The following OPCML variants were observed in gnomAD, a reference collection of about 807,000 sequenced individuals.
OPCML encodes the protein opioid binding protein/cell adhesion molecule like, also known as opioid-binding protein/cell adhesion molecule.
A neutral mutation model predicts 37.8 loss-of-function variants in OPCML; 13 were observed. That is an observed-to-expected ratio of 0.34 (90% CI 0.22 to 0.55). The LOEUF is 0.55. Ranked by LOEUF, OPCML falls within the 20% of genes least tolerant of loss-of-function variation. OPCML has a pLI of 0.91. For synonymous variants in OPCML, 176 were observed against 168.8 expected, an observed-to-expected ratio of 1.04 and a Z score of -0.33; for missense variants, 341 against 435.6, an observed-to-expected ratio of 0.78 and a Z score of 1.93.
intron 3 of OPCML, among the ~76,000 whole-genome samples, chr11:132,629,529 C>A (rs915536632): frequency 6.6e-6 from 1 of 152,148 alleles, no homozygotes; most frequent in Non-Finnish European, 1.5e-5. Flanking sequence ...AGGGGTAACT[C>A]AAGAAACTTT....
At chr11:132,703,381 T>C (rs1389209968) in intron 2 of OPCML, among the ~76,000 whole-genome samples, 2 of 152,230 alleles carry the variant, frequency 1.3e-5, no homozygotes, top group Admixed American at 6.5e-5. Context: ...TGGGCCATGA[T>C]TGACCAAAAT....
intron 3 of OPCML, among the ~76,000 whole-genome samples, chr11:132,637,280 A>C (rs1940565565): frequency 6.6e-6 from 1 of 152,030 alleles, no homozygotes; most frequent in African/African-American, 2.4e-5. Flanking sequence ...CAATCCTGGC[A>C]GATCGGACCT....
At chr11:133,521,032 G>A (rs370636260) in intron 1 of OPCML, among the ~76,000 whole-genome samples, 20 of 152,212 alleles carry the variant, frequency 1.3e-4, no homozygotes, top group African/African-American at 3.9e-4. Context: ...ATCACAAGCC[G>A]TCCTAGCCAG....
chr11:132,876,054 A>C (rs943071984), intron 2 of OPCML, among the ~76,000 whole-genome samples: 2 of 152,232 alleles, frequency 1.3e-5, no homozygotes, highest in African/African-American at 4.8e-5. Context: ...TGTCAATTTA[A>C]AAAGAAATGC....
chr11:133,391,100 G>C (rs1431874574), intron 1 of OPCML, among the ~76,000 whole-genome samples: 1 of 152,228 alleles, frequency 6.6e-6, no homozygotes. Context: ...GAGAGAGAAA[G>C]GGAAAGAAAG....
chr11:133,439,401 T>C, intron 1 of OPCML: 1 of 985,260 alleles, frequency 1.0e-6, no homozygotes, highest in Non-Finnish European at 1.2e-6. Flanking sequence ...TTCCGTCTGT[T>C]TCAGGGAATA....
At chr11:132,478,937 GA>G (rs1180933144) in intron 4 of OPCML, among the ~76,000 whole-genome samples, 1 of 152,090 alleles carries the variant, frequency 6.6e-6, no homozygotes, top group Non-Finnish European at 1.5e-5. Flanking sequence ...CTCATCAGCT[GA>G]ACATGTATCA....
intron 3 of OPCML, among the ~76,000 whole-genome samples, chr11:132,555,748 A>G (rs1437367180): frequency 6.6e-6 from 1 of 152,076 alleles, no homozygotes; most frequent in Admixed American, 6.6e-5. Flanking sequence ...CTCACTGTTA[A>G]TCAGAATTCT....
At chr11:133,383,442 C>T (rs990684241) in intron 1 of OPCML, among the ~76,000 whole-genome samples, 3 of 152,140 alleles carry the variant, frequency 2.0e-5, no homozygotes, top group Non-Finnish European at 4.4e-5. Context: ...TCGGGTCATC[C>T]GATCTGTAAT....
chr11:132,960,454 G>A (rs927905060), intron 1 of OPCML, among the ~76,000 whole-genome samples: 1 of 152,162 alleles, frequency 6.6e-6, no homozygotes, highest in Admixed American at 6.5e-5. Context: ...GACTGCGGAT[G>A]GTGGAGGTCA....
At chr11:132,651,712 A>G (rs1941437209) in intron 3 of OPCML, among the ~76,000 whole-genome samples, 1 of 152,182 alleles carries the variant, frequency 6.6e-6, no homozygotes, top group African/African-American at 2.4e-5. Flanking sequence ...TTTACAAGCA[A>G]AACTCAACTT....
chr11:133,158,006 T>C (rs1006433648), intron 1 of OPCML, among the ~76,000 whole-genome samples: 2 of 151,942 alleles, frequency 1.3e-5, no homozygotes, highest in Non-Finnish European at 2.9e-5. Flanking sequence ...CCACAGAAAA[T>C]TGAAAAATAA....
At chr11:132,663,970 T>G (rs569925607) in intron 2 of OPCML, among the ~76,000 whole-genome samples, 2 of 152,240 alleles carry the variant, frequency 1.3e-5, no homozygotes, top group East Asian at 3.9e-4. Context: ...GTAGCTGGGA[T>G]TACAGGCGCC....
At chr11:133,025,624 G>T (rs1475140534) in intron 1 of OPCML, 1 of 290,752 alleles carries the variant, frequency 3.4e-6, no homozygotes, top group Non-Finnish European at 5.1e-6. Context: ...GGTCTCACTT[G>T]TTGGCCAGGC....
chr11:133,154,248 C>T (rs564864573), intron 1 of OPCML, among the ~76,000 whole-genome samples: 3 of 151,966 alleles, frequency 2.0e-5, no homozygotes, highest in South Asian at 4.2e-4. Flanking sequence ...GAGGAAGTTG[C>T]CATGAGCAGG....
intron 1 of OPCML, among the ~76,000 whole-genome samples, chr11:132,960,450 G>A (rs1354500611): frequency 6.6e-6 from 1 of 152,288 alleles, no homozygotes; most frequent in South Asian, 2.1e-4. Context: ...CGGGGACTGC[G>A]GATGGTGGAG....
Position 133,483,337 on chromosome 11 carries a change from GATAATAGAT to G in OPCML, c.61+48918_61+48926del, listed in dbSNP as rs376880322. 9.8e-5 allele frequency among the ~76,000 whole-genome samples: 12 copies of G among 122,084 alleles called. No homozygotes were observed. In the South Asian group the frequency reaches 1.9e-3, roughly 19 times the overall value. 80.1% of individuals were successfully genotyped at this position (122,084 alleles called of 152,430 possible). A position where few individuals can be genotyped will look rare whatever the true frequency, so the allele number is the denominator to read the frequency against. ...AGATAGATAGATAGATAGATAGATA[GATAATAGAT>G]ATAGATAGATAGATAGCTAATAGAT... On this transcript the variant is annotated intron_variant, in intron 1 of 7. Coordinates refer to ENST00000524381, the MANE Select transcript of OPCML (RefSeq NM_001012393.5).
chr11:132,531,582 C>T (rs1384332450), intron 3 of OPCML, among the ~76,000 whole-genome samples: 1 of 152,102 alleles, frequency 6.6e-6, no homozygotes, highest in Non-Finnish European at 1.5e-5. Context: ...AGGGAATCTA[C>T]ATTAGCAAAT....
chr11:133,388,093 G>A (rs1170238020), intron 1 of OPCML, among the ~76,000 whole-genome samples: 2 of 152,112 alleles, frequency 1.3e-5, no homozygotes, highest in Non-Finnish European at 2.9e-5. Flanking sequence ...TAAAGCAGAT[G>A]TTCCTCCCTT....
Sources: gnomAD v4.1 joint callset for allele counts (sites outside exome capture counted in the v4.1 genomes callset) on GRCh38, gnomAD v4.1.1 for gene constraint, MANE v1.5 for transcripts, NCBI Gene and HGNC (gene_info 2026-07-23, HGNC 2026-07-21) for gene names.